RNLS: variants seen among roughly 807,000 people sequenced by gnomAD.
The protein encoded by RNLS is renalase, FAD dependent amine oxidase, also known as renalase.
In RNLS, 39 loss-of-function variants were observed where a neutral mutation model predicts 39.8. That is an observed-to-expected ratio of 0.98 (90% CI 0.76 to 1.28). The LOEUF is 1.28. Among genes scored for constraint, RNLS ranks in the 50% most tolerant of loss-of-function variants. The probability of loss-of-function intolerance (pLI) is 0.00; values close to 1 mark genes in which losing one functional copy is unlikely to be tolerated. For missense variants in RNLS, 410 were observed against 413.3 expected (o/e 0.99, Z 0.07); for synonymous variants, 147 against 150.7 (o/e 0.98, Z 0.18).
At chr10:88,526,171 A>T (rs1847089221) in intron 4 of RNLS, among the ~76,000 whole-genome samples, 1 of 151,882 alleles carries the variant, frequency 6.6e-6, no homozygotes, top group Non-Finnish European at 1.5e-5. Flanking sequence ...TTGATTTTAT[A>T]AAAAAGATCA....
chr10:88,355,867 G>A lies in RNLS; in HGVS notation c.700+6685C>T, dbSNP rs189326330. Among the ~76,000 whole-genome samples the A allele has an allele frequency of 3.9e-5, 6 of 152,276 alleles. No homozygotes were observed. The East Asian group carries it at 9.7e-4, about 25-fold the overall frequency. On this transcript the variant is annotated intron_variant, in intron 5 of 6. Transcript: ENST00000331772. ...AGCTGCGGTGGGCTCCACCCAGTTCGAGCTTCCAGATCGCTTTGTTTACCT... is the reference window on the plus strand; with the variant it reads ...AGCTGCGGTGGGCTCCACCCAGTTCAAGCTTCCAGATCGCTTTGTTTACCT...
intron 4 of RNLS, among the ~76,000 whole-genome samples, chr10:88,543,739 A>T (rs764682321): frequency 4.6e-5 from 7 of 152,196 alleles, no homozygotes; most frequent in Non-Finnish European, 1.0e-4. Flanking sequence ...AATGCATTAA[A>T]ATGACAACAG....
chr10:88,193,647 C>T, the RNLS span, among the ~76,000 whole-genome samples: 73 of 152,260 alleles, frequency 4.8e-4, no homozygotes, highest in African/African-American at 1.6e-3. Flanking sequence ...CTCCCTCCAT[C>T]GGGACAGCCA....
At chr10:88,467,811 C>T (rs72820049) in intron 4 of RNLS, among the ~76,000 whole-genome samples, 11,322 of 152,170 alleles carry the variant, frequency 0.074, 578 homozygotes, top group Admixed American at 0.14. Flanking sequence ...AAGTGGGGAC[C>T]ATGGACCAGC....
chr10:88,343,877 G>T, intron 5 of RNLS: 1 of 949,116 alleles, frequency 1.1e-6, no homozygotes. Flanking sequence ...CAGAGGATTT[G>T]TCCTAACTCA....
the RNLS span, among the ~76,000 whole-genome samples, chr10:88,229,961 G>T: frequency 6.6e-6 from 1 of 152,100 alleles, no homozygotes; most frequent in Admixed American, 6.6e-5. Context: ...CTTTTGCTAA[G>T]AATTTCTGCA....
At chr10:88,189,957 G>A in the RNLS span, among the ~76,000 whole-genome samples, 8 of 152,094 alleles carry the variant, frequency 5.3e-5, no homozygotes, top group Non-Finnish European at 8.8e-5. Flanking sequence ...TCCGCCCTTC[G>A]AAATGTCATA....
chr10:88,425,698 G>C (rs1287934130), intron 4 of RNLS, among the ~76,000 whole-genome samples: 1 of 152,084 alleles, frequency 6.6e-6, no homozygotes, highest in Non-Finnish European at 1.5e-5. Context: ...ATACAAAACT[G>C]TATGTGTTAA....
At chr10:88,547,185 T>A (rs1191367338) in intron 4 of RNLS, among the ~76,000 whole-genome samples, 1 of 152,184 alleles carries the variant, frequency 6.6e-6, no homozygotes, top group African/African-American at 2.4e-5. Flanking sequence ...TTCCTTTTCT[T>A]ATTTACTTTT....
intron 4 of RNLS, among the ~76,000 whole-genome samples, chr10:88,471,678 C>T (rs759186682): frequency 1.5e-4 from 23 of 152,018 alleles, no homozygotes; most frequent in Admixed American, 2.6e-4. Flanking sequence ...AGTGAAAGGA[C>T]GCAGATTAAA....
chr10:88,409,499 C>T (rs570559184), intron 4 of RNLS, among the ~76,000 whole-genome samples: 1 of 152,192 alleles, frequency 6.6e-6, no homozygotes, highest in African/African-American at 2.4e-5. Context: ...GAGTCTCTAA[C>T]TTAGTGATTT....
At chr10:88,271,671 T>C (rs959254636), downstream of RNLS, among the ~76,000 whole-genome samples, 1 of 152,164 alleles carries the variant, frequency 6.6e-6, no homozygotes, top group Non-Finnish European at 1.5e-5. Context: ...GTTCACCCCG[T>C]CCGGTTTCAT....
At chr10:88,557,625 C>T (rs1054324155) in intron 4 of RNLS, among the ~76,000 whole-genome samples, 5 of 151,840 alleles carry the variant, frequency 3.3e-5, no homozygotes, top group African/African-American at 9.7e-5. Flanking sequence ...TTTTTTTATC[C>T]TTCCCTTCCT....
downstream of RNLS, among the ~76,000 whole-genome samples, chr10:88,279,860 C>T (rs1214787302): frequency 6.6e-6 from 1 of 152,142 alleles, no homozygotes; most frequent in South Asian, 2.1e-4. Context: ...AAGCTGTCTA[C>T]TTACTCACTG....
chr10:88,401,516 A>G (rs1852913497), intron 4 of RNLS, among the ~76,000 whole-genome samples: 1 of 152,022 alleles, frequency 6.6e-6, no homozygotes, highest in African/African-American at 2.4e-5. Context: ...CTGATGGTTC[A>G]AGATTTTGCA....
At chr10:88,422,398 A>T (rs956661814) in intron 4 of RNLS, among the ~76,000 whole-genome samples, 9 of 152,234 alleles carry the variant, frequency 5.9e-5, no homozygotes, top group Admixed American at 3.9e-4. Flanking sequence ...ACCTTATAGC[A>T]AATCACTAAA....
intron 4 of RNLS, among the ~76,000 whole-genome samples, chr10:88,453,234 C>T (rs1819098157): frequency 1.3e-5 from 2 of 152,186 alleles, no homozygotes; most frequent in Admixed American, 6.5e-5. Flanking sequence ...GTACTTACAC[C>T]TCCAGCTGCA....
chr10:88,317,297 C>G (rs1320640531), intron 5 of RNLS, among the ~76,000 whole-genome samples: 2 of 152,164 alleles, frequency 1.3e-5, no homozygotes, highest in Non-Finnish European at 2.9e-5. Context: ...AAGGGAGCAA[C>G]ACTACTGACC....
the RNLS span, among the ~76,000 whole-genome samples, chr10:88,252,425 G>C: frequency 9.2e-5 from 14 of 152,282 alleles, no homozygotes; most frequent in South Asian, 2.9e-3. Context: ...CTCCCACACA[G>C]ACAAGTACAC....
Sources: allele counts gnomAD v4.1 joint callset (sites outside exome capture counted in the v4.1 genomes callset), GRCh38; gene constraint gnomAD v4.1.1; transcripts MANE v1.5; gene names NCBI Gene and HGNC (gene_info 2026-07-23, HGNC 2026-07-21).